Variants in AGBL4 observed in about 807,000 individuals in gnomAD.
AGBL4 encodes cytosolic carboxypeptidase 6.
Under a neutral mutation model 66.4 loss-of-function variants are expected in AGBL4, and 58 were observed. That is an observed-to-expected ratio of 0.87 (90% confidence interval 0.71 to 1.09). The LOEUF (loss-of-function observed/expected upper bound fraction) is 1.09. Among genes scored for constraint, AGBL4 ranks in the 50% least tolerant of loss-of-function variants. AGBL4 has a pLI of 0.00. For missense variants in AGBL4, 579 were observed against 631.0 expected (o/e 0.92, Z 0.88); for synonymous variants, 234 against 222.9 (o/e 1.05, Z -0.44).
At chr1:49,405,798 A>G (rs1265423636) in intron 3 of AGBL4, among the ~76,000 whole-genome samples, 1 of 152,136 alleles carries the variant, frequency 6.6e-6, no homozygotes, top group Non-Finnish European at 1.5e-5. Flanking sequence ...AAAAAACAAG[A>G]TGTTTGCCAA....
chr1:48,619,124 G>GC (rs1645367636), intron 9 of AGBL4, among the ~76,000 whole-genome samples: 1 of 152,160 alleles, frequency 6.6e-6, no homozygotes, highest in Non-Finnish European at 1.5e-5. Flanking sequence ...GGCAGATCTG[G>GC]CTTCCACTTC....
At chr1:49,195,766 TTGGGAG>T (rs1209948974) in intron 4 of AGBL4, among the ~76,000 whole-genome samples, 1 of 152,152 alleles carries the variant, frequency 6.6e-6, no homozygotes, top group Non-Finnish European at 1.5e-5. Context: ...TTTTTCTTCT[TTGGGAG>T]TACTGAAGAT....
intron 4 of AGBL4, among the ~76,000 whole-genome samples, chr1:49,072,637 G>T (rs1296807616): frequency 6.6e-6 from 1 of 152,142 alleles, no homozygotes; most frequent in Admixed American, 6.5e-5. Flanking sequence ...GCTTCCCTTT[G>T]TGAGTAACCT....
intron 6 of AGBL4, among the ~76,000 whole-genome samples, chr1:48,789,328 A>G (rs565886411): frequency 2.8e-4 from 42 of 150,568 alleles, no homozygotes; most frequent in African/African-American, 9.3e-4. Flanking sequence ...TCGCTCTGTC[A>G]CCCAGGCTGG....
chr1:48,776,752 CG>C, intron 6 of AGBL4: 2 of 1,527,328 alleles, frequency 1.3e-6, no homozygotes, highest in Admixed American at 2.1e-5. Flanking sequence ...CAGCCGCGAG[CG>C]GGGGCTGAAG....
intron 3 of AGBL4, among the ~76,000 whole-genome samples, chr1:49,364,799 C>T (rs75967239): frequency 0.03 from 4,607 of 152,288 alleles, 91 homozygotes; most frequent in Non-Finnish European, 0.046. Flanking sequence ...TTTTACTTAA[C>T]TTGCTTTACA....
At chr1:48,697,690 C>T (rs1255551444) in intron 6 of AGBL4, among the ~76,000 whole-genome samples, 1 of 152,144 alleles carries the variant, frequency 6.6e-6, no homozygotes, top group Non-Finnish European at 1.5e-5. Flanking sequence ...CCTGAAATCA[C>T]ACTATGTAAC....
In AGBL4 at chr1:48,568,908, C is replaced by T. The variant is rs77233954; in HGVS notation, c.1267+18096G>A. Reference sequence around the variant, plus strand: ...ATAAGATGGCACTTTTGGAATGCAACAGCCTTTCCTGACTCATTACTGGGT... The same window carrying T: ...ATAAGATGGCACTTTTGGAATGCAATAGCCTTTCCTGACTCATTACTGGGT... On this transcript the variant is annotated intron_variant, in intron 11 of 13. Transcript: ENST00000371839. Among the ~76,000 whole-genome samples, 206 of 152,294 alleles carry T rather than the reference C, an allele frequency of 1.4e-3. 1 individual carries two copies. Among genetic ancestry groups the T allele is most frequent in the African/African-American group, 4.4e-3 (184 of 41,558 alleles).
intron 1 of AGBL4, among the ~76,000 whole-genome samples, chr1:49,997,170 C>G (rs1572032733): frequency 6.6e-6 from 1 of 152,024 alleles, no homozygotes; most frequent in Admixed American, 6.6e-5. Context: ...ATTCGGGCAA[C>G]AGACAGCATG....
chr1:49,825,663 T>A (rs758169629), intron 2 of AGBL4, among the ~76,000 whole-genome samples: 8 of 152,158 alleles, frequency 5.3e-5, no homozygotes, highest in Non-Finnish European at 7.3e-5. Flanking sequence ...CCTCATCCAA[T>A]CAGTTGAAGA....
intron 3 of AGBL4, among the ~76,000 whole-genome samples, chr1:49,451,771 C>G (rs918411147): frequency 2.6e-5 from 4 of 151,742 alleles, no homozygotes; most frequent in African/African-American, 9.7e-5. Flanking sequence ...ACCTTCAGTG[C>G]CGATTATAAG....
chr1:49,734,922 T>C (rs1649743452), intron 2 of AGBL4, among the ~76,000 whole-genome samples: 2 of 152,132 alleles, frequency 1.3e-5, no homozygotes, highest in Admixed American at 1.3e-4. Context: ...GATAGGCATA[T>C]AGATCAATAG....
intron 5 of AGBL4, among the ~76,000 whole-genome samples, chr1:49,017,902 A>T (rs1339990614): frequency 6.6e-6 from 1 of 152,196 alleles, no homozygotes; most frequent in Non-Finnish European, 1.5e-5. Flanking sequence ...CTAATGACTT[A>T]GGAACTGGCA....
At chr1:49,314,817 C>T (rs927243538) in intron 3 of AGBL4, among the ~76,000 whole-genome samples, 2 of 152,100 alleles carry the variant, frequency 1.3e-5, no homozygotes, top group Non-Finnish European at 2.9e-5. Flanking sequence ...CTGTCTTCCA[C>T]AATGACTGAA....
chr1:48,568,528 C>A (rs532884352), intron 11 of AGBL4, among the ~76,000 whole-genome samples: 1 of 152,304 alleles, frequency 6.6e-6, no homozygotes, highest in East Asian at 1.9e-4. Flanking sequence ...ACCACACAGG[C>A]ACATGGAAGG....
rs113926162 is a variant in AGBL4, at chr1:48,845,378, G to C, written c.634+21813C>G. Reference sequence around the variant, plus strand: ...AAACATGAATAGCAGTAGTCATCAGGCTGCAGCCTGAAGGATTTCACACAG... The same window carrying C: ...AAACATGAATAGCAGTAGTCATCAGCCTGCAGCCTGAAGGATTTCACACAG... On this transcript the variant is annotated intron_variant, in intron 6 of 13. Coordinates refer to ENST00000371839, the MANE Select transcript of AGBL4 (RefSeq NM_032785.4). Among the ~76,000 whole-genome samples the C allele has an allele frequency of 3.8e-3, 580 of 152,316 alleles. 3 individuals are homozygous for C. Among genetic ancestry groups the C allele is most frequent in the Non-Finnish European group, 6.2e-3 (422 of 68,028 alleles).
chr1:48,759,183 C>T (rs773513345), intron 6 of AGBL4: 23 of 1,613,686 alleles, frequency 1.4e-5, no homozygotes, highest in Admixed American at 3.3e-5. Flanking sequence ...CTTCCGGACA[C>T]GTGCTATGGC....
chr1:49,116,977 A>G (rs1451210496), intron 4 of AGBL4, among the ~76,000 whole-genome samples: 1 of 151,856 alleles, frequency 6.6e-6, no homozygotes, highest in Non-Finnish European at 1.5e-5. Flanking sequence ...ACCAGTGATG[A>G]TGAGCATTTT....
intron 4 of AGBL4, among the ~76,000 whole-genome samples, chr1:49,182,770 G>C (rs190586523): frequency 6.6e-6 from 1 of 151,988 alleles, no homozygotes; most frequent in South Asian, 2.1e-4. Flanking sequence ...ATCAGGCACT[G>C]TGCTAGGCAC....
Sources: allele counts gnomAD v4.1 joint callset (sites outside exome capture counted in the v4.1 genomes callset), GRCh38; gene constraint gnomAD v4.1.1; transcripts MANE v1.5; gene names NCBI Gene and HGNC (gene_info 2026-07-23, HGNC 2026-07-21).